The following COL23A1 variants were observed in gnomAD, a reference collection of about 807,000 sequenced individuals.
COL23A1 encodes collagen type XXIII alpha 1 chain.
A neutral mutation model predicts 99.3 loss-of-function variants in COL23A1; 97 were observed. That is an observed-to-expected ratio of 0.98 (90% CI 0.83 to 1.16). The LOEUF is 1.16. Ranked by LOEUF, COL23A1 falls within the 50% of genes most tolerant of loss-of-function variation. The probability of loss-of-function intolerance (pLI) is 0.00; values close to 1 mark genes in which losing one functional copy is unlikely to be tolerated. For synonymous variants in COL23A1, 320 were observed against 308.2 expected (o/e 1.04, Z -0.40); for missense variants, 762 against 757.4 (o/e 1.01, Z -0.07).
At chr5:178,331,205 CGGCTTGTGGGT>C (rs1269166455) in intron 2 of COL23A1, among the ~76,000 whole-genome samples, 1 of 152,332 alleles carries the variant, frequency 6.6e-6, no homozygotes, top group African/African-American at 2.4e-5. Context: ...CTGGCTTGGG[CGGCTTGTGGGT>C]GGCTCTGTGT....
intron 22 of COL23A1, 60 bp downstream of exon 22, chr5:178,247,466 C>G: frequency 6.3e-7 from 1 of 1,597,832 alleles, no homozygotes; most frequent in Non-Finnish European, 8.6e-7. Flanking sequence ...ATTGGCAAGG[C>G]TCTTGGAAAC....
At position 178,387,089 on chromosome 5, in the gene COL23A1, A is replaced by G. The variant is rs1763715304; in HGVS notation, c.362-80170T>C. Among the ~76,000 whole-genome samples the G allele has an allele frequency of 6.6e-6, 1 of 151,186 alleles. No individual in the cohort carries two copies. Reference sequence around the variant, plus strand: ...TCCTGGCACTCTGCACCCCCACCTTATTTCTCTCCCACGGCAGCTTCTCAT... The same window carrying G: ...TCCTGGCACTCTGCACCCCCACCTTGTTTCTCTCCCACGGCAGCTTCTCAT... On this transcript the variant is annotated intron_variant, in intron 2 of 28. Transcript: ENST00000390654. This position sits in a 1 kb window ranked among gnomAD's most constrained non-coding sequence, Gnocchi z 4.7.
chr5:178,578,827 T>C (rs1763524961), intron 1 of COL23A1, among the ~76,000 whole-genome samples: 2 of 152,040 alleles, frequency 1.3e-5, no homozygotes, highest in Admixed American at 1.3e-4. Flanking sequence ...AAGCAGACTT[T>C]TTTTTTTTGA....
intron 2 of COL23A1, among the ~76,000 whole-genome samples, chr5:178,556,782 G>A (rs1325612795): frequency 1.3e-5 from 2 of 150,954 alleles, no homozygotes; most frequent in African/African-American, 2.4e-5. Context: ...ATGAAACCCC[G>A]TCTCTACTAA....
chr5:178,358,869 A>G (rs1171732961), intron 2 of COL23A1, among the ~76,000 whole-genome samples: 1 of 152,188 alleles, frequency 6.6e-6, no homozygotes, highest in Admixed American at 6.5e-5. Flanking sequence ...ATGCCTGTTT[A>G]TAAAGGTTCC....
At chr5:178,291,091 C>T (rs551240382) in intron 3 of COL23A1, among the ~76,000 whole-genome samples, 25 of 152,296 alleles carry the variant, frequency 1.6e-4, no homozygotes, top group South Asian at 1.5e-3. Context: ...GGGGCCACAT[C>T]GTTGATTATG....
intron 2 of COL23A1, among the ~76,000 whole-genome samples, chr5:178,494,076 C>A (rs567551700): frequency 6.6e-6 from 1 of 152,344 alleles, no homozygotes; most frequent in South Asian, 2.1e-4. Flanking sequence ...TGTTTCCAAT[C>A]CAACTGTTAG....
chr5:178,513,374 C>T (rs765351870), intron 2 of COL23A1, among the ~76,000 whole-genome samples: 4 of 152,194 alleles, frequency 2.6e-5, no homozygotes, highest in Non-Finnish European at 4.4e-5. Context: ...AAGTAGCTAG[C>T]CCAAGACCAC....
At chr5:178,576,753 G>C (rs1210129668) in intron 1 of COL23A1, among the ~76,000 whole-genome samples, 1 of 151,862 alleles carries the variant, frequency 6.6e-6, no homozygotes, top group Non-Finnish European at 1.5e-5. Flanking sequence ...AAGCCCCAAC[G>C]GGTCCCCCGG....
intron 5 of COL23A1, among the ~76,000 whole-genome samples, chr5:178,286,439 GGT>G (rs963940085): frequency 2.6e-5 from 4 of 152,170 alleles, no homozygotes; most frequent in African/African-American, 9.7e-5. Context: ...GCCAGGCCCA[GGT>G]GTGAGGGAGC....
intron 3 of COL23A1, among the ~76,000 whole-genome samples, chr5:178,292,477 G>C (rs1459446071): frequency 6.6e-6 from 1 of 152,166 alleles, no homozygotes; most frequent in Non-Finnish European, 1.5e-5. Context: ...CCCTTCCTCT[G>C]CTCTCTCCCT....
chr5:178,258,236 AATATATAT>A (rs70994992), intron 12 of COL23A1, among the ~76,000 whole-genome samples: 852 of 71,962 alleles, frequency 0.012, 59 homozygotes, highest in African/African-American at 0.019. Context: ...CCTGTCTTAA[AATATATAT>A]ATATATATAT....
chr5:178,307,018 C>T lies in COL23A1; in HGVS notation c.362-99G>A. ...CCACCCACCTGTCCGCTCGCAACAGCTTTCTGGGAGTGGCCTGCCCGAGGG... is the reference window on the plus strand; with the variant it reads ...CCACCCACCTGTCCGCTCGCAACAGTTTTCTGGGAGTGGCCTGCCCGAGGG... On this transcript the variant is annotated intron_variant, in intron 2 of 28. Coordinates refer to ENST00000390654, the MANE Select transcript of COL23A1 (RefSeq NM_173465.4). The surrounding 1 kb of genome is among the most constrained non-coding windows in gnomAD (Gnocchi z 4.2). 1 of 891,952 alleles carries T rather than the reference C, an allele frequency of 1.1e-6. No individual in the cohort carries two copies. The highest frequency in any genetic ancestry group is 1.6e-6 in the Non-Finnish European group (1 of 623,720). The allele number at this position is 891,952 out of a possible 1,614,324, so 55.3% of individuals were successfully genotyped here.
Position 178,447,541 on chromosome 5 carries a change from T to G in COL23A1, c.361+113141A>C, listed in dbSNP as rs1303259426. Among the ~76,000 whole-genome samples the G allele has an allele frequency of 3.9e-5, 6 of 152,326 alleles. No homozygotes were observed. In the South Asian group the frequency reaches 6.2e-4, roughly 16 times the overall value. ...ACCATTGTGTTACAACTGCCTGCAG[T>G]GTTCAGTACAGTAACATACTGTTAA... On this transcript the variant is annotated intron_variant, in intron 2 of 28. Transcript: ENST00000390654.
At chr5:178,252,320 C>T (rs1413334332) in intron 17 of COL23A1, among the ~76,000 whole-genome samples, 4 of 152,180 alleles carry the variant, frequency 2.6e-5, no homozygotes, top group African/African-American at 9.7e-5. Flanking sequence ...CATGAATTTT[C>T]AGTTTAAATG....
intron 2 of COL23A1, among the ~76,000 whole-genome samples, chr5:178,346,225 A>G (rs1581192378): frequency 6.6e-6 from 1 of 151,734 alleles, no homozygotes; most frequent in South Asian, 2.1e-4. Context: ...TTATTTATTT[A>G]TTTTTGTTGT....
At chr5:178,343,000 GAAT>G (rs1176397451) in intron 2 of COL23A1, among the ~76,000 whole-genome samples, 1 of 152,326 alleles carries the variant, frequency 6.6e-6, no homozygotes, top group East Asian at 1.9e-4. Context: ...CACAGGGGAG[GAAT>G]AATGGTTTTG....
At chr5:178,455,408 C>A (rs922143350) in intron 2 of COL23A1, among the ~76,000 whole-genome samples, 3 of 152,176 alleles carry the variant, frequency 2.0e-5, no homozygotes, top group Non-Finnish European at 4.4e-5. Context: ...CAGGGTGGAA[C>A]CCCAGGGGGG....
At chr5:178,522,018 T>C (rs1484703207) in intron 2 of COL23A1, among the ~76,000 whole-genome samples, 2 of 152,142 alleles carry the variant, frequency 1.3e-5, no homozygotes, top group African/African-American at 2.4e-5. Flanking sequence ...TGTTATGTAT[T>C]TTTTACCACA....
Sources: gnomAD v4.1 joint callset for allele counts (sites outside exome capture counted in the v4.1 genomes callset) on GRCh38, gnomAD v4.1.1 for gene constraint, Gnocchi (gnomAD v3.1) non-coding constraint, MANE v1.5 for transcripts, NCBI Gene and HGNC (gene_info 2026-07-23, HGNC 2026-07-21) for gene names.